Variants in THSD7B observed in about 807,000 individuals in gnomAD.
THSD7B encodes thrombospondin type-1 domain-containing protein 7B.
Under a neutral mutation model 213.6 loss-of-function variants are expected in THSD7B, and 138 were observed. The ratio of observed to expected loss-of-function variants is 0.65; its 90% CI spans 0.56 to 0.74. The LOEUF is 0.74. Among genes scored for constraint, THSD7B ranks in the 30% least tolerant of loss-of-function variants. The probability of loss-of-function intolerance (pLI) is 0.00; values close to 1 mark genes in which losing one functional copy is unlikely to be tolerated. For synonymous variants in THSD7B, 742 were observed against 687.0 expected (o/e 1.08, Z -1.25); for missense variants, 1,931 against 1,991.5 (o/e 0.97, Z 0.58).
chr2:137,014,426 C>T (rs891810), intron 2 of THSD7B, among the ~76,000 whole-genome samples: 91,048 of 152,002 alleles, frequency 0.6, 28,808 homozygotes, highest in South Asian at 0.76. Context: ...GTGGTCAGAG[C>T]GAGGCTCATC....
chr2:136,831,691 A>T (rs1682758383), intron 1 of THSD7B, among the ~76,000 whole-genome samples: 1 of 152,268 alleles, frequency 6.6e-6, no homozygotes, highest in African/African-American at 2.4e-5. Context: ...GTGTCCCAAA[A>T]GAGAAATGCC....
At chr2:137,163,490 A>G (rs1287136461) in intron 6 of THSD7B, among the ~76,000 whole-genome samples, 3 of 152,194 alleles carry the variant, frequency 2.0e-5, no homozygotes, top group Non-Finnish European at 4.4e-5. Flanking sequence ...AAGAGAGGCC[A>G]CATGAAGATG....
intron 2 of THSD7B, among the ~76,000 whole-genome samples, chr2:136,948,075 TAAC>T (rs1361383716): frequency 6.6e-6 from 1 of 152,214 alleles, no homozygotes; most frequent in African/African-American, 2.4e-5. Context: ...CCTTATCACT[TAAC>T]AGATTTTGTT....
chr2:137,204,867 A>C (rs1425008834), intron 7 of THSD7B, among the ~76,000 whole-genome samples: 1 of 152,130 alleles, frequency 6.6e-6, no homozygotes, highest in Non-Finnish European at 1.5e-5. Context: ...GCTGAAACAC[A>C]CTGGCACTGT....
At chr2:136,796,337 C>T (rs1682063408) in intron 1 of THSD7B, among the ~76,000 whole-genome samples, 1 of 151,956 alleles carries the variant, frequency 6.6e-6, no homozygotes, top group South Asian at 2.1e-4. Flanking sequence ...AGGACACTTT[C>T]ACTTGTTTTC....
intron 1 of THSD7B, among the ~76,000 whole-genome samples, chr2:136,816,224 GTGTT>G (rs944961021): frequency 1.4e-4 from 22 of 152,272 alleles, no homozygotes; most frequent in South Asian, 2.1e-4. Flanking sequence ...CATGAAGAAA[GTGTT>G]TGTTTGCCCC....
chr2:137,273,864 A>G (rs1473269990), intron 11 of THSD7B, among the ~76,000 whole-genome samples: 1 of 152,198 alleles, frequency 6.6e-6, no homozygotes, highest in East Asian at 1.9e-4. Context: ...GCCCAGCAAA[A>G]GAGCTCTCAA....
chr2:137,637,325 T>C (rs1229603702), intron 20 of THSD7B, among the ~76,000 whole-genome samples: 3 of 152,194 alleles, frequency 2.0e-5, no homozygotes, highest in Non-Finnish European at 4.4e-5. Flanking sequence ...CTTTAACTTA[T>C]ACAATCTAAA....
At chr2:137,443,648 A>ATCT (rs1687467146) in intron 14 of THSD7B, among the ~76,000 whole-genome samples, 1 of 152,076 alleles carries the variant, frequency 6.6e-6, no homozygotes, top group South Asian at 2.1e-4. Flanking sequence ...ATCTCAACCA[A>ATCT]GTCTGAGTTT....
At chr2:136,767,273 A>G (rs1681417987) in intron 1 of THSD7B, among the ~76,000 whole-genome samples, 1 of 152,150 alleles carries the variant, frequency 6.6e-6, no homozygotes, top group African/African-American at 2.4e-5. Context: ...TTGTGGGTTA[A>G]AAGCTGTTTA....
rs573634969 is a variant in THSD7B, at chr2:136,811,873, G to A, written c.-36+46186G>A. ...TGGTTGTCCTCTTTGGAAGGGTGTC[G>A]GCTCTTCAAATTCCCACCATCCTCC... On this transcript the variant is annotated intron_variant, in intron 1 of 27. Transcript: ENST00000409968. Among the ~76,000 whole-genome samples, 17 of 152,106 alleles carry A rather than the reference G, an allele frequency of 1.1e-4. No individual in the cohort carries two copies. In the East Asian group the frequency reaches 2.1e-3, roughly 19 times the overall value.
intron 10 of THSD7B, among the ~76,000 whole-genome samples, chr2:137,267,537 C>T (rs1272064616): frequency 6.6e-6 from 1 of 151,220 alleles, no homozygotes; most frequent in African/African-American, 2.4e-5. Flanking sequence ...CCCCTCTTTC[C>T]CTTCATCATA....
At chr2:137,535,033 T>C (rs1158265299) in intron 15 of THSD7B, among the ~76,000 whole-genome samples, 1 of 151,830 alleles carries the variant, frequency 6.6e-6, no homozygotes, top group Non-Finnish European at 1.5e-5. Flanking sequence ...ATTTCAAGTA[T>C]TCTTTAACAT....
At chr2:136,944,304 A>G (rs1684886296) in intron 2 of THSD7B, among the ~76,000 whole-genome samples, 1 of 152,126 alleles carries the variant, frequency 6.6e-6, no homozygotes, top group Non-Finnish European at 1.5e-5. Context: ...GCTTCCAACT[A>G]TGTGGTCAAT....
chr2:137,336,426 G>T (rs984769334), intron 12 of THSD7B, among the ~76,000 whole-genome samples: 1 of 152,138 alleles, frequency 6.6e-6, no homozygotes, highest in African/African-American at 2.4e-5. Flanking sequence ...ACGAGATTTT[G>T]CAGTATCAGT....
intron 2 of THSD7B, among the ~76,000 whole-genome samples, chr2:136,954,714 C>CAAAAAAAAAAAAAAAAAAAAAAAAAA (rs11378111): frequency 1.7e-4 from 15 of 89,398 alleles, no homozygotes; most frequent in African/African-American, 7.8e-4. Flanking sequence ...GACTCTGTCT[C>CAAAAAAAAAAAAAAAAAAAAAAAAAA]AAAAAAAAAA....
intron 2 of THSD7B, among the ~76,000 whole-genome samples, chr2:137,048,579 C>A (rs753671145): frequency 1.7e-4 from 26 of 152,120 alleles, no homozygotes; most frequent in African/African-American, 5.8e-4. Flanking sequence ...AAAATTAATT[C>A]TTGAGTTGCG....
intron 21 of THSD7B, among the ~76,000 whole-genome samples, chr2:137,652,850 T>G (rs563394201): frequency 6.6e-6 from 1 of 152,302 alleles, no homozygotes; most frequent in African/African-American, 2.4e-5. Context: ...CACTTTCACT[T>G]TGCCCCCGAC....
chr2:136,974,470 TTG>T (rs1178121153), intron 2 of THSD7B, among the ~76,000 whole-genome samples: 3 of 152,118 alleles, frequency 2.0e-5, no homozygotes, highest in Non-Finnish European at 4.4e-5. Context: ...TGTTCCTGCA[TTG>T]GTTTGCTGAG....
Sources: allele counts gnomAD v4.1 joint callset (sites outside exome capture counted in the v4.1 genomes callset), GRCh38; gene constraint gnomAD v4.1.1; transcripts MANE v1.5; gene names NCBI Gene and HGNC (gene_info 2026-07-23, HGNC 2026-07-21).